CACHD1: variants seen among roughly 807,000 people sequenced by gnomAD.
CACHD1 encodes VWFA and cache domain-containing protein 1.
Under a neutral mutation model 138.7 loss-of-function variants are expected in CACHD1, and 71 were observed. The observed-to-expected ratio is 0.51, with a 90% CI of 0.42 to 0.62. CACHD1 has a LOEUF of 0.62. Among genes scored for constraint, CACHD1 ranks in the 20% least tolerant of loss-of-function variants. The pLI is 0.00. For missense variants in CACHD1, 1,389 were observed against 1,625.3 expected (o/e 0.85, Z 2.50); for synonymous variants, 578 against 591.5 (o/e 0.98, Z 0.33).
At chr1:64,516,207 A>G (rs951322854) in intron 1 of CACHD1, among the ~76,000 whole-genome samples, 1 of 152,184 alleles carries the variant, frequency 6.6e-6, no homozygotes, top group Middle Eastern at 3.2e-3. Flanking sequence ...CTGTCCGTTT[A>G]ACATTTTCTT....
intron 1 of CACHD1, among the ~76,000 whole-genome samples, chr1:64,480,612 T>G (rs1366051771): frequency 2.0e-5 from 3 of 152,118 alleles, no homozygotes; most frequent in African/African-American, 7.2e-5. Context: ...TTTTTTTAAG[T>G]GCAAAGGTAA....
chr1:64,604,305 C>A (rs1371818433), intron 4 of CACHD1, among the ~76,000 whole-genome samples: 2 of 152,180 alleles, frequency 1.3e-5, no homozygotes, highest in African/African-American at 4.8e-5. Context: ...TCATCTGGAA[C>A]CCTCTGTAGC....
chr1:64,678,050 C>G, intron 22 of CACHD1, 109 bp from the exon 23 acceptor site: 2 of 1,112,176 alleles, frequency 1.8e-6, no homozygotes, highest in Non-Finnish European at 1.3e-6. Flanking sequence ...AAGAAATTCA[C>G]AGCACTAGTA....
intron 1 of CACHD1, among the ~76,000 whole-genome samples, chr1:64,502,536 A>G (rs1044701930): frequency 4.6e-5 from 7 of 151,894 alleles, no homozygotes; most frequent in African/African-American, 1.7e-4. Context: ...CTGTGTGTGT[A>G]TGTGTATGTG....
At position 64,575,084 on chromosome 1, in the gene CACHD1, T is replaced by C. The variant is rs372920396; in HGVS notation, c.262-7072T>C. Among the ~76,000 whole-genome samples, 18 of 152,380 alleles carry C rather than the reference T, an allele frequency of 1.2e-4. 2 individuals are homozygous for C. Among genetic ancestry groups the C allele is most frequent in the Admixed American group, 4.6e-4 (7 of 15,302 alleles). On this transcript the variant is annotated intron_variant, in intron 2 of 26. Coordinates refer to ENST00000651257, the MANE Select transcript of CACHD1 (RefSeq NM_020925.4). The stretch of plus-strand genomic sequence containing the variant: ...ATTTCCCCAGTTACTACTACCTTTC[T>C]AGGCCAGAGACTGTCCACTATGATA...
chr1:64,512,956 A>G (rs1054145260), intron 1 of CACHD1, among the ~76,000 whole-genome samples: 4 of 152,208 alleles, frequency 2.6e-5, no homozygotes, highest in African/African-American at 9.6e-5. Flanking sequence ...CATGCCAAAC[A>G]GAGGCACAAA....
chr1:64,537,503 G>GT (rs1218890793), intron 1 of CACHD1, among the ~76,000 whole-genome samples: 5 of 152,298 alleles, frequency 3.3e-5, no homozygotes, highest in Middle Eastern at 6.8e-3. Flanking sequence ...AGGCCAGTTT[G>GT]TTGAGACTGG....
Position 64,653,552 on chromosome 1 carries a change from T to C in CACHD1, c.1541-206T>C, listed in dbSNP as rs561285873. Among the ~76,000 whole-genome samples, 325 of 152,254 alleles carry C rather than the reference T, an allele frequency of 2.1e-3. 2 individuals are homozygous for C. The highest frequency in any genetic ancestry group is 7.5e-3 in the African/African-American group (312 of 41,546). On this transcript the variant is annotated intron_variant, in intron 10 of 26. Transcript: ENST00000651257. ...AAAATACTCTTGATGAGACAGATGTTTGATAATTTAAGACATCTTTCTACG... is the reference window on the plus strand; with the variant it reads ...AAAATACTCTTGATGAGACAGATGTCTGATAATTTAAGACATCTTTCTACG...
intron 1 of CACHD1, among the ~76,000 whole-genome samples, chr1:64,475,122 A>G (rs1646166874): frequency 6.6e-6 from 1 of 151,988 alleles, no homozygotes; most frequent in Non-Finnish European, 1.5e-5. Context: ...GGAATTAAAG[A>G]GCAACGCTTC....
chr1:64,564,297 T>G (rs991645460), intron 2 of CACHD1, among the ~76,000 whole-genome samples: 1 of 152,032 alleles, frequency 6.6e-6, no homozygotes, highest in African/African-American at 2.4e-5. Flanking sequence ...GAAACAACTT[T>G]TATTACCGAC....
chr1:64,579,551 A>G (rs1256974707), intron 2 of CACHD1, among the ~76,000 whole-genome samples: 2 of 152,200 alleles, frequency 1.3e-5, no homozygotes, highest in African/African-American at 4.8e-5. Flanking sequence ...TGCACTTAAT[A>G]CTCCTATGTG....
chr1:64,630,425 C>G (rs1570432770), intron 5 of CACHD1, among the ~76,000 whole-genome samples: 1 of 151,956 alleles, frequency 6.6e-6, no homozygotes, highest in African/African-American at 2.4e-5. Context: ...CTCAGCCTGC[C>G]GAGTACCTGG....
intron 1 of CACHD1, among the ~76,000 whole-genome samples, chr1:64,488,508 A>G (rs1646255916): frequency 2.0e-5 from 3 of 152,210 alleles, no homozygotes; most frequent in Admixed American, 1.3e-4. Context: ...GTCTACTAAC[A>G]TAACAGTATG....
chr1:64,524,608 G>A (rs374693939), intron 1 of CACHD1, among the ~76,000 whole-genome samples: 20 of 152,124 alleles, frequency 1.3e-4, no homozygotes, highest in African/African-American at 4.6e-4. Flanking sequence ...CTGAATTTGC[G>A]AGGGTAATGA....
intron 1 of CACHD1, among the ~76,000 whole-genome samples, chr1:64,502,494 T>C (rs1206811151): frequency 2.0e-5 from 3 of 152,168 alleles, no homozygotes; most frequent in Admixed American, 6.5e-5. Context: ...TTGGTATTGC[T>C]TGTAAGCTTT....
In CACHD1 at chr1:64,666,189, TAG is replaced by T. The variant is rs1266152150; in HGVS notation, c.2387+23_2387+24del. 4.9e-6 allele frequency: 7 copies of T among 1,421,366 alleles called. No individual in the cohort carries two copies. The African/African-American group carries it at 8.9e-5, about 18-fold the overall frequency. 88.0% of individuals were successfully genotyped at this position (1,421,366 alleles called of 1,614,324 possible). On this transcript the variant is annotated intron_variant, in intron 16 of 26. Coordinates refer to ENST00000651257, the MANE Select transcript of CACHD1 (RefSeq NM_020925.4). ...CCAGGTAATATTTTAACTAACTTTA[TAG>T]TCATTTCTTAAATATATCAAGGATA...
At chr1:64,681,549 T>G (rs958866691) in intron 25 of CACHD1, among the ~76,000 whole-genome samples, 1 of 114,934 alleles carries the variant, frequency 8.7e-6, no homozygotes, top group Non-Finnish European at 2.0e-5. Flanking sequence ...GTGTTTTTTT[T>G]TTTTTTTTTT....
chr1:64,628,946 C>T (rs1179599549), intron 4 of CACHD1, among the ~76,000 whole-genome samples: 1 of 152,120 alleles, frequency 6.6e-6, no homozygotes, highest in Non-Finnish European at 1.5e-5. Context: ...CAGGTCTAGT[C>T]CCTCTGGTGA....
intron 1 of CACHD1, among the ~76,000 whole-genome samples, chr1:64,522,547 C>T (rs145394412): frequency 6.1e-4 from 75 of 122,964 alleles, no homozygotes; most frequent in African/African-American, 1.3e-3. Flanking sequence ...AAGTGATCCG[C>T]CTGCCCGCTT....
Sources: allele counts gnomAD v4.1 joint callset (sites outside exome capture counted in the v4.1 genomes callset), GRCh38; gene constraint gnomAD v4.1.1; transcripts MANE v1.5; gene names NCBI Gene and HGNC (gene_info 2026-07-23, HGNC 2026-07-21).